Variants in C12orf50 observed in about 807,000 individuals in gnomAD.
The protein encoded by C12orf50 is uncharacterized protein C12orf50.
C12orf50 carries 35 observed loss-of-function variants against 61.6 expected under a neutral mutation model. The ratio of observed to expected loss-of-function variants is 0.57; its 90% CI spans 0.43 to 0.75. The LOEUF (loss-of-function observed/expected upper bound fraction) is 0.75, where lower values mean the gene tolerates loss of function less well. C12orf50 is among the 30% of genes least tolerant of loss of function. The probability of loss-of-function intolerance (pLI) is 0.00; values close to 1 mark genes in which losing one functional copy is unlikely to be tolerated. For synonymous variants in C12orf50, 178 were observed against 161.5 expected (o/e 1.10, Z -0.77); for missense variants, 475 against 488.5 (o/e 0.97, Z 0.26).
intron 11 of C12orf50, chr12:87,984,569 C>T (rs556506943): frequency 4.6e-4 from 70 of 152,278 alleles, no homozygotes; most frequent in African/African-American, 1.5e-3. Flanking sequence ...CTCACTGCCC[C>T]AGATAGCCGA....
intron 4 of C12orf50, 102 bp from the exon 5 acceptor site, chr12:87,996,748 AT>A: frequency 1.3e-6 from 1 of 773,824 alleles, no homozygotes; most frequent in Non-Finnish European, 2.1e-6. Flanking sequence ...TCATGGATAG[AT>A]TACTTTTTTA....
At chr12:88,007,787 G>A (rs902956055) in intron 3 of C12orf50, among the ~76,000 whole-genome samples, 6 of 151,776 alleles carry the variant, frequency 4.0e-5, no homozygotes, top group African/African-American at 1.5e-4. Flanking sequence ...TTATATAATT[G>A]TACTTTGATA....
intron 3 of C12orf50, among the ~76,000 whole-genome samples, chr12:88,024,558 A>T (rs1376268694): frequency 6.6e-6 from 1 of 152,178 alleles, no homozygotes; most frequent in East Asian, 1.9e-4. Flanking sequence ...GTTCTAACTT[A>T]TAAGTGAGAG....
At chr12:87,988,954 T>C (rs2030982985) in intron 8 of C12orf50, among the ~76,000 whole-genome samples, 1 of 152,156 alleles carries the variant, frequency 6.6e-6, no homozygotes, top group South Asian at 2.1e-4. Flanking sequence ...CAACGTTTTC[T>C]AACAAAATTC....
intron 3 of C12orf50, among the ~76,000 whole-genome samples, chr12:88,011,843 G>C (rs1295513899): frequency 6.6e-6 from 1 of 152,124 alleles, no homozygotes; most frequent in African/African-American, 2.4e-5. Flanking sequence ...AATTATATAA[G>C]CCAAGAATTC....
intron 3 of C12orf50, among the ~76,000 whole-genome samples, chr12:88,025,898 G>A (rs1331948910): frequency 1.3e-5 from 2 of 152,194 alleles, no homozygotes. Context: ...GGTGTCTTCT[G>A]TATCCACTTC....
chr12:88,014,175 C>T (rs1375151536), intron 3 of C12orf50, among the ~76,000 whole-genome samples: 1 of 152,026 alleles, frequency 6.6e-6, no homozygotes, highest in African/African-American at 2.4e-5. Context: ...ATAGAATTAG[C>T]CCCTCAGAAG....
intron 7 of C12orf50, among the ~76,000 whole-genome samples, chr12:87,992,302 G>A (rs2031162648): frequency 6.6e-6 from 1 of 152,108 alleles, no homozygotes; most frequent in African/African-American, 2.4e-5. Flanking sequence ...GAGGAGCAAT[G>A]GTTCAGTGTT....
At chr12:87,988,958 A>G (rs1234581726) in intron 8 of C12orf50, among the ~76,000 whole-genome samples, 1 of 152,166 alleles carries the variant, frequency 6.6e-6, no homozygotes, top group South Asian at 2.1e-4. Context: ...GTTTTCTAAC[A>G]AAATTCATTT....
intron 7 of C12orf50, among the ~76,000 whole-genome samples, chr12:87,993,409 G>A (rs2031226857): frequency 2.0e-5 from 3 of 152,218 alleles, no homozygotes; most frequent in Non-Finnish European, 4.4e-5. Flanking sequence ...AACTCCGTTA[G>A]GAGAGACTGC....
intron 3 of C12orf50, among the ~76,000 whole-genome samples, chr12:88,019,985 A>G (rs972627044): frequency 2.0e-5 from 3 of 152,214 alleles, no homozygotes; most frequent in African/African-American, 7.2e-5. Flanking sequence ...CAGACAAGCA[A>G]GTGCTGAGGG....
chr12:88,011,202 ATCAGAGTTT>A (rs1388481543), intron 3 of C12orf50, among the ~76,000 whole-genome samples: 143 of 152,070 alleles, frequency 9.4e-4, no homozygotes, highest in Admixed American at 1.3e-3. Context: ...GGTAAAGTGT[ATCAGAGTTT>A]TTTTTAAGGG....
intron 4 of C12orf50, among the ~76,000 whole-genome samples, chr12:87,997,594 G>A (rs77794318): frequency 6.6e-6 from 1 of 152,138 alleles, no homozygotes; most frequent in Admixed American, 6.6e-5. Flanking sequence ...CCTAGTGTGT[G>A]ACATTCCCCT....
At chr12:87,983,295 T>TA in intron 11 of C12orf50, 100 bp from the exon 12 acceptor site, 1 of 624,076 alleles carries the variant, frequency 1.6e-6, no homozygotes, top group Non-Finnish European at 2.6e-6. Flanking sequence ...AGCTATTCTC[T>TA]AAGTAATTCA....
chr12:88,002,218 C>T (rs533595284), intron 3 of C12orf50, among the ~76,000 whole-genome samples: 1 of 151,872 alleles, frequency 6.6e-6, no homozygotes, highest in African/African-American at 2.4e-5. Flanking sequence ...AAAGTATTGG[C>T]TGATTACCCT....
At chr12:87,996,674 A>G (rs747117957) in intron 4 of C12orf50, 28 bp from the exon 5 acceptor site, 1 of 1,531,280 alleles carries the variant, frequency 6.5e-7, no homozygotes, top group Non-Finnish European at 9.0e-7. Flanking sequence ...TTTAAATTAA[A>G]TTGTCCCAAA....
At chr12:88,018,060 G>A (rs966746183) in intron 3 of C12orf50, among the ~76,000 whole-genome samples, 3 of 152,194 alleles carry the variant, frequency 2.0e-5, no homozygotes, top group Non-Finnish European at 4.4e-5. Flanking sequence ...TTAACAATAA[G>A]CCGAATGTTA....
chr12:88,023,317 G>C (rs921871234), intron 3 of C12orf50, among the ~76,000 whole-genome samples: 2 of 152,046 alleles, frequency 1.3e-5, no homozygotes, highest in African/African-American at 4.8e-5. Context: ...GTAGAAAATG[G>C]AAACTGAACC....
chr12:87,996,292 T>C, intron 6 of C12orf50, 82 bp downstream of exon 6: 1 of 967,080 alleles, frequency 1.0e-6, no homozygotes, highest in Non-Finnish European at 1.6e-6. Context: ...TTTATTCTTC[T>C]GTACATCATA....
Sources: gnomAD v4.1 joint callset for allele counts (sites outside exome capture counted in the v4.1 genomes callset) on GRCh38, gnomAD v4.1.1 for gene constraint, MANE v1.5 for transcripts, NCBI Gene and HGNC (gene_info 2026-07-23, HGNC 2026-07-21) for gene names.